Variants in ZC2HC1B observed in about 807,000 individuals in gnomAD.
The protein encoded by ZC2HC1B is zinc finger C2HC domain-containing protein 1B.
Under a neutral mutation model 31.0 loss-of-function variants are expected in ZC2HC1B, and 36 were observed. The observed-to-expected ratio is 1.16, with a 90% CI of 0.89 to 1.54. ZC2HC1B has a LOEUF of 1.54. ZC2HC1B is among the 40% of genes most tolerant of loss of function. The probability of loss-of-function intolerance (pLI) is 0.00; values close to 1 mark genes in which losing one functional copy is unlikely to be tolerated. For synonymous variants in ZC2HC1B, 73 were observed against 88.0 expected, an observed-to-expected ratio of 0.83 and a Z score of 0.95; for missense variants, 260 against 268.6, an observed-to-expected ratio of 0.97 and a Z score of 0.22.
At position 143,898,664 on chromosome 6, in the gene ZC2HC1B, A is replaced by G; in HGVS notation, c.462A>G (p.Thr154=). ...SSRRVFNPAQ[T]AAKLASRAQG... ...GCCGAGTCTTTAATCCAGCTCAGAC[A>G]GCAGCCAAATTGGCATCCAGAGCTC... The change falls in exon 5 of 8, where the codon ACA becomes ACG. Residue 154 remains threonine (T), a synonymous_variant. Coordinates refer to ENST00000237275, the MANE Select transcript of ZC2HC1B (RefSeq NM_001013623.3). 6 of 1,552,124 alleles carry G rather than the reference A, an allele frequency of 3.9e-6. No homozygotes were observed. The highest frequency in any genetic ancestry group is 5.2e-6 in the Non-Finnish European group (6 of 1,147,074).
chr6:143,917,220 C>A lies in ZC2HC1B; in HGVS notation c.598+14068C>A, dbSNP rs1431209492. Among the ~76,000 whole-genome samples, 1 of 152,184 alleles carries A rather than the reference C, an allele frequency of 6.6e-6. No homozygotes were observed. The highest frequency in any genetic ancestry group is 1.5e-5 in the Non-Finnish European group (1 of 68,028). On this transcript the variant is annotated intron_variant, in intron 6 of 7. Transcript: ENST00000237275. The surrounding 1 kb of genome is among the most constrained non-coding windows in gnomAD (Gnocchi z 4.1). ...CTTGTCTGCTGCCATGTGAGACGTG[C>A]CTTTCACCTTCCACTGTGATTGTTA... is the stretch of plus-strand genomic sequence containing the variant.
At chr6:143,906,857 G>A (rs563419850) in intron 6 of ZC2HC1B, among the ~76,000 whole-genome samples, 4 of 151,902 alleles carry the variant, frequency 2.6e-5, no homozygotes, top group Non-Finnish European at 5.9e-5. Flanking sequence ...CATGTGCTAC[G>A]GTGATTTGCT....
In ZC2HC1B at chr6:143,918,815, CTGTT is replaced by C. The variant is rs1201437214; in HGVS notation, c.598+15668_598+15671del. On this transcript the variant is annotated intron_variant, in intron 6 of 7. Transcript: ENST00000237275. The surrounding 1 kb of genome is among the most constrained non-coding windows in gnomAD (Gnocchi z 4.1). ...TCTTTAAGTTTGCTGAGTCTTTCCT[CTGTT>C]TGTTCAAATGTATTCTTGAATCCTA... 6.6e-6 allele frequency among the ~76,000 whole-genome samples: 1 copy of C among 152,146 alleles called. No homozygotes were observed. The highest frequency in any genetic ancestry group is 1.5e-5 in the Non-Finnish European group (1 of 68,032).
chr6:143,901,970 A>G (rs1777743379), intron 5 of ZC2HC1B, among the ~76,000 whole-genome samples: 2 of 152,204 alleles, frequency 1.3e-5, no homozygotes, highest in African/African-American at 2.4e-5. Flanking sequence ...AGTGGGGCCA[A>G]AGAGAGCACA....
chr6:143,891,594 C>A (rs1354055284), intron 4 of ZC2HC1B, among the ~76,000 whole-genome samples: 2 of 149,978 alleles, frequency 1.3e-5, no homozygotes, highest in African/African-American at 4.9e-5. Flanking sequence ...CCCTGCTACT[C>A]AGGAGACTGA....
chr6:143,918,757 T>A lies in ZC2HC1B; in HGVS notation c.598+15605T>A, dbSNP rs1177061178. ...ACCTTTCCTTAAGTTTTTCTCTTTC[T>A]GTTCCTCAGACTTGATAATTTCCAT... On this transcript the variant is annotated intron_variant, in intron 6 of 7. Transcript: ENST00000237275. The surrounding 1 kb of genome is among the most constrained non-coding windows in gnomAD (Gnocchi z 4.1). 6.6e-6 allele frequency among the ~76,000 whole-genome samples: 1 copy of A among 152,212 alleles called. No homozygotes were observed. The highest frequency in any genetic ancestry group is 1.5e-5 in the Non-Finnish European group (1 of 68,030).
chr6:143,892,383 C>T (rs1777611029), intron 4 of ZC2HC1B, among the ~76,000 whole-genome samples: 1 of 151,594 alleles, frequency 6.6e-6, no homozygotes, highest in Non-Finnish European at 1.5e-5. Context: ...GCAACCTCTG[C>T]CTCCCACACT....
intron 6 of ZC2HC1B, among the ~76,000 whole-genome samples, chr6:143,926,123 G>A (rs758553604): frequency 6.6e-6 from 1 of 151,592 alleles, no homozygotes; most frequent in Non-Finnish European, 1.5e-5. Flanking sequence ...ATTACATTTA[G>A]TTCTGCTCTG....
At chr6:143,926,175 C>G (rs531262933) in intron 6 of ZC2HC1B, among the ~76,000 whole-genome samples, 1 of 152,018 alleles carries the variant, frequency 6.6e-6, no homozygotes, top group South Asian at 2.1e-4. Flanking sequence ...TGGATTTGGT[C>G]TGCTCTTGCT....
intron 1 of ZC2HC1B, among the ~76,000 whole-genome samples, chr6:143,875,221 A>T (rs4379307): frequency 1.3e-5 from 2 of 151,936 alleles, no homozygotes; most frequent in Admixed American, 6.5e-5. Context: ...AATTACAGGG[A>T]TCTTCAGAGA....
At chr6:143,927,474 C>T (rs1054071729) in intron 6 of ZC2HC1B, among the ~76,000 whole-genome samples, 4 of 152,066 alleles carry the variant, frequency 2.6e-5, no homozygotes, top group African/African-American at 4.8e-5. Context: ...CTGCAAAAGA[C>T]ATTATATTAT....
intron 6 of ZC2HC1B, among the ~76,000 whole-genome samples, chr6:143,936,188 T>C (rs1487826879): frequency 6.6e-6 from 1 of 152,180 alleles, no homozygotes. Flanking sequence ...TGAGAAGACA[T>C]AGCATGCACA....
At chr6:143,876,701 T>A (rs1777411710) in intron 1 of ZC2HC1B, among the ~76,000 whole-genome samples, 1 of 150,646 alleles carries the variant, frequency 6.6e-6, no homozygotes, top group African/African-American at 2.5e-5. Context: ...ATAGGCCATC[T>A]GCAAGCTGAG....
At position 143,885,940 on chromosome 6, in the gene ZC2HC1B, A is replaced by C; in HGVS notation, c.91-92A>C. The C allele has an allele frequency of 7.4e-7, 1 of 1,360,186 alleles. No individual in the cohort carries two copies. The highest frequency in any genetic ancestry group is 9.6e-7 in the Non-Finnish European group (1 of 1,044,726). The allele number at this position is 1,360,186 out of a possible 1,614,324, so 84.3% of individuals were successfully genotyped here. A position where few individuals can be genotyped will look rare whatever the true frequency, so the allele number is the denominator to read the frequency against. ...GAACTAGGCTCTGAGGAGCAAACAT[A>C]GTCCCTGGAGTGGGGGCTGTCTAGG... On this transcript the variant is annotated intron_variant, in intron 2 of 7. Transcript: ENST00000237275. The surrounding 1 kb of genome is among the most constrained non-coding windows in gnomAD (Gnocchi z 4.2).
In ZC2HC1B at chr6:143,884,885, G is replaced by A. The variant is rs953187858; in HGVS notation, c.90+520G>A. 6.6e-6 allele frequency among the ~76,000 whole-genome samples: 1 copy of A among 152,136 alleles called. No homozygotes were observed. Among genetic ancestry groups the A allele is most frequent in the Admixed American group, 6.5e-5 (1 of 15,270 alleles). ...AAAATGATACATGGATGTAAGTCCTGTTCCAAGATCTAATTGTTGTACAGA... is the reference window on the plus strand; with the variant it reads ...AAAATGATACATGGATGTAAGTCCTATTCCAAGATCTAATTGTTGTACAGA... On this transcript the variant is annotated intron_variant, in intron 2 of 7. Transcript: ENST00000237275. This position sits in a 1 kb window ranked among gnomAD's most constrained non-coding sequence, Gnocchi z 5.1.
At chr6:143,914,957 T>C (rs1324717802) in intron 6 of ZC2HC1B, among the ~76,000 whole-genome samples, 4 of 152,234 alleles carry the variant, frequency 2.6e-5, no homozygotes, top group Admixed American at 6.5e-5. Flanking sequence ...AATCTCTGTC[T>C]ATTGATTAGA....
intron 6 of ZC2HC1B, among the ~76,000 whole-genome samples, chr6:143,906,512 T>C (rs1452187665): frequency 3.9e-5 from 6 of 152,046 alleles, no homozygotes; most frequent in Non-Finnish European, 8.8e-5. Context: ...GGCGAAATCT[T>C]AGCTCACTGC....
chr6:143,909,522 G>T (rs1777834973), intron 6 of ZC2HC1B, among the ~76,000 whole-genome samples: 1 of 148,650 alleles, frequency 6.7e-6, no homozygotes, highest in Non-Finnish European at 1.5e-5. Flanking sequence ...AATCTCTCTG[G>T]TCCTGGGCTT....
At position 143,903,078 on chromosome 6, in the gene ZC2HC1B, C is replaced by T. The variant is rs1215943474; in HGVS notation, c.524C>T (p.Thr175Ile). 9.7e-6 allele frequency: 15 copies of T among 1,551,804 alleles called. No homozygotes were observed. The highest frequency in any genetic ancestry group is 7.1e-5 in the South Asian group (6 of 84,070). The change falls in exon 6 of 8, where the codon ACT becomes ATT. Residue 175 changes from threonine to isoleucine, a missense_variant. Thr to Ile is a moderately conservative substitution (Grantham distance 89). Coordinates refer to ENST00000237275, the MANE Select transcript of ZC2HC1B (RefSeq NM_001013623.3). This position sits in a 1 kb window ranked among gnomAD's most constrained non-coding sequence, Gnocchi z 4.3. ...CAGATGGGTCCAAAAAAAGAACCAACTGTTACCAGTGCTGTGGGAGCTTTG... is the reference window on the plus strand; with the variant it reads ...CAGATGGGTCCAAAAAAAGAACCAATTGTTACCAGTGCTGTGGGAGCTTTG... ...RAQMGPKKEP[T>I]VTSAVGALLQ...
Sources: allele counts gnomAD v4.1 joint callset (sites outside exome capture counted in the v4.1 genomes callset), GRCh38; gene constraint gnomAD v4.1.1; non-coding constraint Gnocchi (gnomAD v3.1); transcripts MANE v1.5; gene names NCBI Gene and HGNC (gene_info 2026-07-23, HGNC 2026-07-21).